Variants in SENP7 observed in about 807,000 individuals in gnomAD.
The protein encoded by SENP7 is sentrin-specific protease 7.
A neutral mutation model predicts 141.2 loss-of-function variants in SENP7; 64 were observed. The observed-to-expected ratio is 0.45, with a 90% confidence interval of 0.37 to 0.56. The LOEUF (loss-of-function observed/expected upper bound fraction) is 0.56, where lower values mean the gene tolerates loss of function less well. SENP7 is among the 20% of genes least tolerant of loss of function. SENP7 has a pLI of 0.00. For synonymous variants in SENP7, 382 were observed against 426.4 expected (o/e 0.90, Z 1.28); for missense variants, 1,025 against 1,212.2 (o/e 0.85, Z 2.29).
intron 8 of SENP7, 46 bp from the exon 9 acceptor site, chr3:101,366,815 T>C: frequency 7.7e-7 from 1 of 1,295,360 alleles, no homozygotes. Context: ...CAAATTTGGC[T>C]TGCTTAAACC....
chr3:101,370,309 G>C (rs761549551), intron 7 of SENP7, among the ~76,000 whole-genome samples: 10 of 152,014 alleles, frequency 6.6e-5, no homozygotes, highest in Non-Finnish European at 1.5e-4. Context: ...GCTTTCCTGG[G>C]TAGAGTAGGA....
In SENP7 at chr3:101,347,790, C is replaced by T. The variant is rs544727852; in HGVS notation, c.1837+82G>A. ...AATTAATTTCAATTCACTGAAATAA[C>T]ATTCTATTAAATTATTTTAGGAAAA... On this transcript the variant is annotated intron_variant, in intron 13 of 23. Transcript: ENST00000394095. 1.1e-5 allele frequency: 6 copies of T among 549,592 alleles called. No homozygotes were observed. In the South Asian group the frequency reaches 2.2e-4, roughly 20 times the overall value. The allele number at this position is 549,592 out of a possible 1,614,324, so 34.0% of individuals were successfully genotyped here. A position where few individuals can be genotyped will look rare whatever the true frequency, so the allele number is the denominator to read the frequency against.
rs539050702 is a variant in SENP7, at chr3:101,396,771, G to A, written c.677+2090C>T. ...TACCTCTTCTTCTCAAGGAGCTCAT[G>A]GTATAGCAGAGGAGGTGGAAATAAA... is the stretch of plus-strand genomic sequence containing the variant. On this transcript the variant is annotated intron_variant, in intron 6 of 23. Transcript: ENST00000394095. Among the ~76,000 whole-genome samples, 3 of 152,282 alleles carry A rather than the reference G, an allele frequency of 2.0e-5. No homozygotes were observed. The South Asian group carries it at 6.2e-4, about 32-fold the overall frequency.
At chr3:101,342,405 A>C (rs2059350804) in intron 14 of SENP7, among the ~76,000 whole-genome samples, 1 of 152,216 alleles carries the variant, frequency 6.6e-6, no homozygotes, top group Non-Finnish European at 1.5e-5. Context: ...CCTCCTATAA[A>C]AATAAACATA....
At chr3:101,464,118 C>A (rs1342654391) in intron 3 of SENP7, among the ~76,000 whole-genome samples, 1 of 152,138 alleles carries the variant, frequency 6.6e-6, no homozygotes, top group Non-Finnish European at 1.5e-5. Flanking sequence ...AGCCACCACA[C>A]CCAGCCAGGA....
At chr3:101,429,969 G>T (rs2062102516) in intron 4 of SENP7, among the ~76,000 whole-genome samples, 1 of 150,246 alleles carries the variant, frequency 6.7e-6, no homozygotes, top group African/African-American at 2.4e-5. Context: ...CGTTGGTTCT[G>T]TTTATGTGAT....
chr3:101,414,611 C>T (rs1296466131), intron 5 of SENP7: 5 of 1,593,650 alleles, frequency 3.1e-6, no homozygotes, highest in Non-Finnish European at 3.4e-6. Flanking sequence ...ATGAAGGAAG[C>T]TCTCTTAGCC....
intron 17 of SENP7, among the ~76,000 whole-genome samples, chr3:101,336,134 C>T (rs560438624): frequency 6.6e-6 from 1 of 152,250 alleles, no homozygotes; most frequent in East Asian, 1.9e-4. Flanking sequence ...AAGCTATATC[C>T]AACTTTGAAA....
chr3:101,457,206 C>T (rs2063382091), intron 4 of SENP7: 27 of 1,475,486 alleles, frequency 1.8e-5, no homozygotes. Flanking sequence ...CTCCCAGTAA[C>T]TTCTTCAAGT....
At chr3:101,328,906 G>A (rs553703539) in intron 20 of SENP7, among the ~76,000 whole-genome samples, 2 of 152,170 alleles carry the variant, frequency 1.3e-5, no homozygotes, top group Admixed American at 1.3e-4. Context: ...CAGTTAAGGA[G>A]TTTTAACTTT....
In SENP7 at chr3:101,513,109, G is replaced by A; in HGVS notation, c.22C>T (p.Arg8Ter). The A allele has an allele frequency of 2.5e-6, 4 of 1,611,794 alleles. No individual in the cohort carries two copies. Among genetic ancestry groups the A allele is most frequent in the Non-Finnish European group, 3.4e-6 (4 of 1,179,494 alleles). The change falls in exon 1 of 24, where the codon CGA becomes TGA. Residue 8 changes from arginine to a stop codon, truncating the protein, a stop_gained. Transcript: ENST00000394095. LOFTEE classifies it high-confidence loss of function. ...TTCTCACCGGATGAAGATGGCCGTC[G>A]CCCGAGCTTTCTCTTGTCCATCTTC... MDKRKLG[R>*]RPSSSEIITE...
intron 14 of SENP7, 58 bp downstream of exon 14, chr3:101,343,628 G>C: frequency 6.6e-7 from 1 of 1,515,268 alleles, no homozygotes; most frequent in Non-Finnish European, 8.9e-7. Flanking sequence ...TAATATCAAT[G>C]AATAAATGTT....
At chr3:101,396,688 G>C (rs1012758173) in intron 6 of SENP7, among the ~76,000 whole-genome samples, 1 of 152,054 alleles carries the variant, frequency 6.6e-6, no homozygotes, top group Non-Finnish European at 1.5e-5. Context: ...TAACCCAAGA[G>C]CAAAAAATTT....
In SENP7 at chr3:101,325,610, G is replaced by A. The variant is rs2058880368; in HGVS notation, c.*333C>T. 6.4e-6 allele frequency: 1 copy of A among 155,416 alleles called. No individual in the cohort carries two copies. Among genetic ancestry groups the A allele is most frequent in the South Asian group, 2.0e-4 (1 of 4,880 alleles). 9.6% of individuals were successfully genotyped at this position (155,416 alleles called of 1,614,324 possible). ...CCCCTCAGCACCCAGTCACGTGGAAGTACAGATCATGTAAGTTTTATTATC... is the reference window on the plus strand; with the variant it reads ...CCCCTCAGCACCCAGTCACGTGGAAATACAGATCATGTAAGTTTTATTATC... On this transcript the variant is annotated 3_prime_UTR_variant, in exon 24 of 24. Coordinates refer to ENST00000394095, the MANE Select transcript of SENP7 (RefSeq NM_020654.5).
intron 5 of SENP7, among the ~76,000 whole-genome samples, chr3:101,409,892 C>G (rs2061405876): frequency 1.3e-5 from 2 of 152,180 alleles, no homozygotes; most frequent in South Asian, 4.1e-4. Context: ...ATTTTATGAC[C>G]AAGAACCCAA....
chr3:101,342,403 A>G (rs1424381572), intron 14 of SENP7, among the ~76,000 whole-genome samples: 1 of 152,206 alleles, frequency 6.6e-6, no homozygotes, highest in Non-Finnish European at 1.5e-5. Flanking sequence ...AACCTCCTAT[A>G]AAAATAAACA....
intron 11 of SENP7, among the ~76,000 whole-genome samples, chr3:101,354,242 C>A (rs374859794): frequency 1.3e-5 from 2 of 151,964 alleles, no homozygotes; most frequent in South Asian, 2.1e-4. Flanking sequence ...ATGAAATGTT[C>A]CAGCAAACAT....
chr3:101,404,580 A>G (rs2061244620), intron 5 of SENP7, among the ~76,000 whole-genome samples: 1 of 152,224 alleles, frequency 6.6e-6, no homozygotes, highest in Admixed American at 6.5e-5. Flanking sequence ...AATGGGATCT[A>G]ATTAAACTAA....
Position 101,324,615 on chromosome 3 carries a change from G to T in SENP7, c.*1328C>A, listed in dbSNP as rs1451805537. 1 of 151,836 alleles carries T rather than the reference G, an allele frequency of 6.6e-6. No individual in the cohort carries two copies. The highest frequency in any genetic ancestry group is 2.4e-5 in the African/African-American group (1 of 41,354). The allele number at this position is 151,836 out of a possible 1,614,324, so 9.4% of individuals were successfully genotyped here. A position where few individuals can be genotyped will look rare whatever the true frequency, so the allele number is the denominator to read the frequency against. ...TAGTGCCAAAATCAACAAAAGCTAA[G>T]AATACTGAGGCTTAACTGACCCCGA... is the stretch of plus-strand genomic sequence containing the variant. On this transcript the variant is annotated 3_prime_UTR_variant, in exon 24 of 24. Transcript: ENST00000394095.
Sources: allele counts gnomAD v4.1 joint callset (sites outside exome capture counted in the v4.1 genomes callset), GRCh38; gene constraint gnomAD v4.1.1; transcripts MANE v1.5; gene names NCBI Gene and HGNC (gene_info 2026-07-23, HGNC 2026-07-21).